MTAP: variants seen among roughly 807,000 people sequenced by gnomAD.
MTAP encodes S-methyl-5'-thioadenosine phosphorylase.
A neutral mutation model predicts 33.6 loss-of-function variants in MTAP; 33 were observed. The observed-to-expected ratio is 0.98, with a 90% CI of 0.74 to 1.31. The LOEUF is 1.31. Ranked by LOEUF, MTAP falls within the 40% of genes most tolerant of loss-of-function variation. The pLI, the probability that MTAP is intolerant of heterozygous loss-of-function variation, is 0.00. For synonymous variants in MTAP, 148 were observed against 125.7 expected, an observed-to-expected ratio of 1.18 and a Z score of -1.19; for missense variants, 367 against 360.0, an observed-to-expected ratio of 1.02 and a Z score of -0.16.
At chr9:21,830,743 A>G (rs1394589326) in intron 4 of MTAP, among the ~76,000 whole-genome samples, 1 of 152,198 alleles carries the variant, frequency 6.6e-6, no homozygotes, top group Non-Finnish European at 1.5e-5. Flanking sequence ...TTTTCTATTA[A>G]TAGGGGAAAA....
downstream of MTAP, chr9:21,941,110 C>G: frequency 1.7e-6 from 1 of 602,634 alleles, no homozygotes; most frequent in Non-Finnish European, 2.1e-6. Flanking sequence ...TAAAATGTAC[C>G]AGTTATGCAG....
chr9:21,803,565 G>C (rs1824125864), intron 1 of MTAP, among the ~76,000 whole-genome samples: 1 of 152,112 alleles, frequency 6.6e-6, no homozygotes, highest in Admixed American at 6.5e-5. Context: ...GGGAAGCTTT[G>C]TGCTGAGGAG....
At chr9:21,911,016 G>C (rs1317589001) in intron 1 of MTAP, among the ~76,000 whole-genome samples, 1 of 152,204 alleles carries the variant, frequency 6.6e-6, no homozygotes, top group African/African-American at 2.4e-5. Context: ...AACCAACAAA[G>C]ATCAAAAGAG....
Position 21,863,873 on chromosome 9 carries a change from A to AAT in MTAP, c.*1859_*1860insAT. 1.0e-6 allele frequency: 1 copy of AAT among 985,808 alleles called. No homozygotes were observed. Among genetic ancestry groups the AAT allele is most frequent in the African/African-American group, 1.7e-5 (1 of 57,336 alleles). 61.1% of individuals were successfully genotyped at this position (985,808 alleles called of 1,614,324 possible). ...CCCTCCAGTATTAATATGACTCATTAGTGTGAGCCATTTGGGTCAAGTATG... is the reference window on the plus strand; with the variant it reads ...CCCTCCAGTATTAATATGACTCATTAATGTGTGAGCCATTTGGGTCAAGTATG... On this transcript the variant is annotated 3_prime_UTR_variant, in exon 8 of 8. Coordinates refer to ENST00000644715, the MANE Select transcript of MTAP (RefSeq NM_002451.4).
chr9:21,855,603 T>TA (rs1279824291), intron 6 of MTAP, among the ~76,000 whole-genome samples: 1 of 151,698 alleles, frequency 6.6e-6, no homozygotes, highest in Non-Finnish European at 1.5e-5. Context: ...CAGACCATGG[T>TA]AAGGGTTTCA....
At chr9:21,889,113 G>C (rs767996773) in intron 1 of MTAP, among the ~76,000 whole-genome samples, 5 of 151,924 alleles carry the variant, frequency 3.3e-5, no homozygotes, top group Non-Finnish European at 5.9e-5. Context: ...AAGAAAATCA[G>C]TTATTCTTAG....
chr9:21,825,471 C>A (rs77762097), intron 4 of MTAP, among the ~76,000 whole-genome samples: 3,707 of 152,222 alleles, frequency 0.024, 84 homozygotes, highest in Middle Eastern at 0.061. Flanking sequence ...AATTTATATT[C>A]CTACCAGCAG....
chr9:21,810,933 T>C (rs1465053029), intron 1 of MTAP, among the ~76,000 whole-genome samples: 3 of 152,168 alleles, frequency 2.0e-5, no homozygotes, highest in African/African-American at 7.2e-5. Context: ...CTCCCTCTCA[T>C]ACAGCTAGGC....
chr9:21,805,417 C>T (rs993572678), intron 1 of MTAP, among the ~76,000 whole-genome samples: 3 of 152,144 alleles, frequency 2.0e-5, no homozygotes, highest in Non-Finnish European at 2.9e-5. Context: ...TATTTATTTT[C>T]TTCAAGTTTA....
intron 1 of MTAP, among the ~76,000 whole-genome samples, chr9:21,806,083 G>T (rs1824201251): frequency 6.6e-6 from 1 of 152,172 alleles, no homozygotes; most frequent in African/African-American, 2.4e-5. Flanking sequence ...TTTGGAAACT[G>T]TTGAAGGGTT....
At chr9:21,840,551 A>C (rs1042839688) in intron 5 of MTAP, among the ~76,000 whole-genome samples, 1 of 152,222 alleles carries the variant, frequency 6.6e-6, no homozygotes, top group Non-Finnish European at 1.5e-5. Flanking sequence ...GGTTATGTGA[A>C]ATATGAAAGT....
intron 6 of MTAP, among the ~76,000 whole-genome samples, chr9:21,858,679 A>G (rs1825689392): frequency 6.6e-6 from 1 of 152,182 alleles, no homozygotes; most frequent in Admixed American, 6.5e-5. Context: ...CACCTCCCAC[A>G]ATTCGACATG....
chr9:21,829,513 G>C (rs1360853357), intron 4 of MTAP, among the ~76,000 whole-genome samples: 2 of 151,282 alleles, frequency 1.3e-5, no homozygotes, highest in South Asian at 4.2e-4. Context: ...GCAAGTGTGA[G>C]CCACTGTGCC....
intron 4 of MTAP, 51 bp from the exon 5 acceptor site, chr9:21,837,857 A>G: frequency 3.3e-6 from 5 of 1,495,242 alleles, no homozygotes; most frequent in Non-Finnish European, 4.6e-6. Context: ...GAGGATGGAA[A>G]GATGGCCTTA....
chr9:21,816,252 T>C (rs530205451), intron 2 of MTAP, among the ~76,000 whole-genome samples: 36 of 152,324 alleles, frequency 2.4e-4, no homozygotes, highest in Middle Eastern at 3.4e-3. Flanking sequence ...TCTAAGGGTC[T>C]TTCCAGCCTT....
At chr9:21,803,876 T>C (rs1406236003) in intron 1 of MTAP, among the ~76,000 whole-genome samples, 1 of 152,222 alleles carries the variant, frequency 6.6e-6, no homozygotes, top group Non-Finnish European at 1.5e-5. Flanking sequence ...CAGATTAGTT[T>C]ATTACGCCCT....
At chr9:21,902,361 C>A (rs141315374) in intron 1 of MTAP, among the ~76,000 whole-genome samples, 69 of 152,284 alleles carry the variant, frequency 4.5e-4, no homozygotes, top group Admixed American at 4.2e-3. Context: ...TATGCCCTAC[C>A]TGCAAAAGAG....
intron 1 of MTAP, among the ~76,000 whole-genome samples, chr9:21,914,013 A>C (rs1410163456): frequency 6.6e-6 from 1 of 152,250 alleles, no homozygotes; most frequent in African/African-American, 2.4e-5. Context: ...TTATGCAGCC[A>C]ACAGACATAT....
intron 6 of MTAP, chr9:21,856,142 T>G (rs752587815): frequency 1.8e-4 from 175 of 984,910 alleles, no homozygotes; most frequent in Non-Finnish European, 2.0e-4. Flanking sequence ...TTTATCTCAT[T>G]TTAAGATAAA....
Sources: allele counts gnomAD v4.1 joint callset (sites outside exome capture counted in the v4.1 genomes callset), GRCh38; gene constraint gnomAD v4.1.1; transcripts MANE v1.5; gene names NCBI Gene and HGNC (gene_info 2026-07-23, HGNC 2026-07-21).